KIF26B: variants seen among roughly 807,000 people sequenced by gnomAD.
KIF26B encodes the protein kinesin family member 26B.
In KIF26B, 63 loss-of-function variants were observed where a neutral mutation model predicts 151.2. That is an observed-to-expected ratio of 0.42 (90% CI 0.34 to 0.51). The LOEUF is 0.51. Among genes scored for constraint, KIF26B ranks in the 20% least tolerant of loss-of-function variants. The pLI, the probability that KIF26B is intolerant of heterozygous loss-of-function variation, is 0.07. For synonymous variants in KIF26B, 1,357 were observed against 1,262.1 expected (o/e 1.08, Z -1.59); for missense variants, 2,813 against 2,913.6 (o/e 0.97, Z 0.79).
intron 2 of KIF26B, among the ~76,000 whole-genome samples, chr1:245,221,155 G>T (rs1007607718): frequency 3.1e-4 from 47 of 151,982 alleles, no homozygotes; most frequent in African/African-American, 1.1e-3. Context: ...TCTTAAGAAA[G>T]TGTGTAGCCT....
At chr1:245,612,083 TGTGTGTGTGTGTGTGTGTGTGTGAGA>T (rs1156798245) in intron 9 of KIF26B, 107 bp downstream of exon 9, 3 of 701,832 alleles carry the variant, frequency 4.3e-6, no homozygotes, top group Non-Finnish European at 7.0e-6. Flanking sequence ...TGTGTGTGTG[TGTGTGTGTGTGTGTGTGTGTGTGAGA>T]GAGAGAGAGA....
In KIF26B at chr1:245,667,873, A is replaced by AGCT. The variant is rs573221920; in HGVS notation, c.2259-16356_2259-16354dup. On this transcript the variant is annotated intron_variant, in intron 10 of 14. Coordinates refer to ENST00000407071, the MANE Select transcript of KIF26B (RefSeq NM_018012.4). This position sits in a 1 kb window ranked among gnomAD's most constrained non-coding sequence, Gnocchi z 4.3. The stretch of plus-strand genomic sequence containing the variant: ...AGATGTGATTAATTCCTAATTCCTT[A>AGCT]GCTGCTTCTGTTTGTTTGTTTTGTT... Among the ~76,000 whole-genome samples the AGCT allele has an allele frequency of 2.4e-3, 370 of 152,228 alleles. 1 individual carries two copies. Among genetic ancestry groups the AGCT allele is most frequent in the Middle Eastern group, 6.8e-3 (2 of 294 alleles).
At chr1:245,558,409 G>A (rs771763142) in intron 5 of KIF26B, among the ~76,000 whole-genome samples, 22 of 152,182 alleles carry the variant, frequency 1.4e-4, no homozygotes, top group African/African-American at 2.9e-4. Flanking sequence ...TGACCTGCCC[G>A]GGCAGGGCCC....
intron 10 of KIF26B, among the ~76,000 whole-genome samples, chr1:245,670,245 C>CATATATAT (rs10584392): frequency 0.021 from 2,853 of 134,270 alleles, 54 homozygotes; most frequent in Non-Finnish European, 0.029. Flanking sequence ...TGTGTATATC[C>CATATATAT]ATATATATAT....
chr1:245,377,334 C>G (rs977869856), intron 3 of KIF26B, among the ~76,000 whole-genome samples: 1 of 152,210 alleles, frequency 6.6e-6, no homozygotes, highest in Non-Finnish European at 1.5e-5. Context: ...CTTCCTCGCC[C>G]TTCTGTTGGC....
Position 245,167,423 on chromosome 1 carries a change from C to G in KIF26B, c.465+10740C>G, listed in dbSNP as rs951024253. On this transcript the variant is annotated intron_variant, in intron 2 of 14. Transcript: ENST00000407071. The surrounding 1 kb of genome is among the most constrained non-coding windows in gnomAD (Gnocchi z 4.2). Reference sequence around the variant, plus strand: ...TTGGCAGTGATGAGCAGCTACACTTCCCCATGAAACTCTATCATCGTATTT... The same window carrying G: ...TTGGCAGTGATGAGCAGCTACACTTGCCCATGAAACTCTATCATCGTATTT... Among the ~76,000 whole-genome samples, 5 of 152,128 alleles carry G rather than the reference C, an allele frequency of 3.3e-5. No homozygotes were observed. Among genetic ancestry groups the G allele is most frequent in the African/African-American group, 4.8e-5 (2 of 41,426 alleles).
intron 3 of KIF26B, among the ~76,000 whole-genome samples, chr1:245,389,069 T>A (rs760923413): frequency 6.6e-6 from 1 of 152,184 alleles, no homozygotes; most frequent in Non-Finnish European, 1.5e-5. Flanking sequence ...TTAGCTCTAG[T>A]GCTTAATGAT....
chr1:245,546,640 C>G (rs927214444), intron 5 of KIF26B, among the ~76,000 whole-genome samples: 1 of 152,212 alleles, frequency 6.6e-6, no homozygotes, highest in Non-Finnish European at 1.5e-5. Context: ...CCCACTGGAT[C>G]CCAGTAGATT....
chr1:245,169,710 G>C (rs781133790), intron 2 of KIF26B, among the ~76,000 whole-genome samples: 1 of 152,132 alleles, frequency 6.6e-6, no homozygotes, highest in African/African-American at 2.4e-5. Context: ...GAAGGAAGTT[G>C]CCCGGCTGTG....
chr1:245,300,673 T>A (rs1314857691), intron 2 of KIF26B, among the ~76,000 whole-genome samples: 4 of 150,154 alleles, frequency 2.7e-5, no homozygotes, highest in Non-Finnish European at 4.4e-5. Flanking sequence ...GGATTACAGG[T>A]GTACACCACC....
At chr1:245,421,842 A>C (rs1463972998) in intron 4 of KIF26B, among the ~76,000 whole-genome samples, 1 of 152,134 alleles carries the variant, frequency 6.6e-6, no homozygotes, top group African/African-American at 2.4e-5. Context: ...GGAACCTCAT[A>C]GTACTGGACA....
chr1:245,232,340 A>G (rs1210745118), intron 2 of KIF26B, among the ~76,000 whole-genome samples: 2 of 152,210 alleles, frequency 1.3e-5, no homozygotes, highest in African/African-American at 4.8e-5. Context: ...AAGAAGTAGA[A>G]ATGTGGAATT....
At chr1:245,575,383 G>A (rs888760048) in intron 5 of KIF26B, among the ~76,000 whole-genome samples, 8 of 151,832 alleles carry the variant, frequency 5.3e-5, no homozygotes, top group African/African-American at 1.9e-4. Flanking sequence ...GCTGAGGCAG[G>A]AGAATTGTTT....
At chr1:245,655,131 G>A (rs995249144) in intron 10 of KIF26B, among the ~76,000 whole-genome samples, 4 of 152,090 alleles carry the variant, frequency 2.6e-5, no homozygotes, top group African/African-American at 9.7e-5. Context: ...GCTGAGGCCC[G>A]GTGAGATGGA....
intron 2 of KIF26B, among the ~76,000 whole-genome samples, chr1:245,350,882 T>C (rs1458299419): frequency 6.6e-6 from 1 of 152,174 alleles, no homozygotes; most frequent in African/African-American, 2.4e-5. Context: ...TGATTCTCTT[T>C]CCTTGGCTTA....
chr1:245,430,873 G>A (rs920277233), intron 4 of KIF26B, among the ~76,000 whole-genome samples: 8 of 152,140 alleles, frequency 5.3e-5, no homozygotes, highest in Non-Finnish European at 1.2e-4. Flanking sequence ...AACGCATAGG[G>A]ATCCGAGCCA....
At chr1:245,458,486 T>C (rs1222525780) in intron 4 of KIF26B, among the ~76,000 whole-genome samples, 1 of 152,202 alleles carries the variant, frequency 6.6e-6, no homozygotes, top group African/African-American at 2.4e-5. Flanking sequence ...CCAGGTTCTT[T>C]GCTCCCTGGC....
At position 245,403,653 on chromosome 1, in the gene KIF26B, C is replaced by T. The variant is rs184464014; in HGVS notation, c.1000-15926C>T. The stretch of plus-strand genomic sequence containing the variant: ...CACGTGTGTGTGTTTCTTTGGCCTC[C>T]TCTCAGGCTCTGGGGGAAAAAAACC... On this transcript the variant is annotated intron_variant, in intron 3 of 14. Transcript: ENST00000407071. Among the ~76,000 whole-genome samples the T allele has an allele frequency of 1.6e-3, 244 of 152,152 alleles. 2 individuals carry two copies. Among genetic ancestry groups the T allele is most frequent in the Middle Eastern group, 0.01 (3 of 294 alleles).
intron 3 of KIF26B, among the ~76,000 whole-genome samples, chr1:245,379,215 C>T (rs1440829424): frequency 1.3e-5 from 2 of 152,172 alleles, no homozygotes; most frequent in African/African-American, 4.8e-5. Flanking sequence ...CATCACATCT[C>T]GTGTGAGAAT....
Sources: allele counts gnomAD v4.1 joint callset (sites outside exome capture counted in the v4.1 genomes callset), GRCh38; gene constraint gnomAD v4.1.1; non-coding constraint Gnocchi (gnomAD v3.1); transcripts MANE v1.5; gene names NCBI Gene and HGNC (gene_info 2026-07-23, HGNC 2026-07-21).